Variants in ADAMTSL1 observed in about 807,000 individuals in gnomAD.
The protein encoded by ADAMTSL1 is ADAMTS like 1, also known as ADAMTS-like protein 1.
In ADAMTSL1, 126 loss-of-function variants were observed where a neutral mutation model predicts 201.8. The observed-to-expected ratio is 0.62, with a 90% CI of 0.54 to 0.72. The LOEUF (loss-of-function observed/expected upper bound fraction) is 0.72, where lower values mean the gene tolerates loss of function less well. Ranked by LOEUF, ADAMTSL1 falls within the 30% of genes least tolerant of loss-of-function variation. ADAMTSL1 has a pLI of 0.00. For synonymous variants in ADAMTSL1, 1,121 were observed against 903.4 expected (o/e 1.24, Z -4.32); for missense variants, 2,679 against 2,277.8 (o/e 1.18, Z -3.59).
intron 1 of ADAMTSL1, among the ~76,000 whole-genome samples, chr9:18,492,213 A>C (rs776260239): frequency 2.6e-5 from 4 of 152,200 alleles, no homozygotes; most frequent in Non-Finnish European, 5.9e-5. Context: ...ATTATAATAC[A>C]AACATCACAG....
rs146631565 is a variant in ADAMTSL1 at position 18,612,373 on chromosome 9, T to G, written c.475-9870T>G. Reference sequence around the variant, plus strand: ...TTTTAGCTTGAGACAAAGGGGAAAATTCTTTGAAATCGCAATATATCCCTG... The same window carrying G: ...TTTTAGCTTGAGACAAAGGGGAAAAGTCTTTGAAATCGCAATATATCCCTG... On this transcript the variant is annotated intron_variant, in intron 4 of 28. Coordinates refer to ENST00000380548, the MANE Select transcript of ADAMTSL1 (RefSeq NM_001040272.6). Among the ~76,000 whole-genome samples the G allele has an allele frequency of 1.4e-3, 215 of 152,196 alleles. 1 individual carries two copies. Among genetic ancestry groups the G allele is most frequent in the African/African-American group, 4.8e-3 (199 of 41,532 alleles).
At chr9:18,399,280 C>CATATATATATAT (rs561622408) in intron 2 of ADAMTSL1, among the ~76,000 whole-genome samples, 10 of 30,998 alleles carry the variant, frequency 3.2e-4, no homozygotes, top group East Asian at 1.9e-3. Flanking sequence ...GTCTGCTTTA[C>CATATATATATAT]ATATATATAT....
intron 16 of ADAMTSL1, among the ~76,000 whole-genome samples, chr9:18,764,043 C>T (rs1337165933): frequency 6.6e-6 from 1 of 152,088 alleles, no homozygotes; most frequent in Non-Finnish European, 1.5e-5. Context: ...ATGCTTTTGA[C>T]ATTTTGACAG....
intron 13 of ADAMTSL1, among the ~76,000 whole-genome samples, chr9:18,704,069 G>C (rs1483559067): frequency 1.3e-5 from 2 of 152,068 alleles, no homozygotes; most frequent in Non-Finnish European, 2.9e-5. Flanking sequence ...CAATGCGTTT[G>C]TATCTCTACC....
chr9:18,232,554 A>G (rs137995537), intron 2 of ADAMTSL1, among the ~76,000 whole-genome samples: 2 of 152,178 alleles, frequency 1.3e-5, no homozygotes, highest in African/African-American at 2.4e-5. Flanking sequence ...TGACTATTGC[A>G]TAGTTAAAAC....
chr9:18,434,985 C>T (rs992851067), intron 2 of ADAMTSL1, among the ~76,000 whole-genome samples: 2 of 152,218 alleles, frequency 1.3e-5, no homozygotes, highest in Admixed American at 6.5e-5. Context: ...GTATCCCTAA[C>T]ACCTGGTGCA....
At chr9:18,158,762 G>A (rs140775698) in intron 1 of ADAMTSL1, among the ~76,000 whole-genome samples, 22 of 152,066 alleles carry the variant, frequency 1.4e-4, no homozygotes, top group African/African-American at 5.3e-4. Flanking sequence ...TCCTTTGTGT[G>A]CATGTCCTTC....
At chr9:18,881,571 C>G (rs182628659) in intron 23 of ADAMTSL1, among the ~76,000 whole-genome samples, 20 of 152,222 alleles carry the variant, frequency 1.3e-4, no homozygotes, top group Admixed American at 2.0e-4. Context: ...ATAGTAACAT[C>G]AAAGATCACT....
intron 13 of ADAMTSL1, among the ~76,000 whole-genome samples, chr9:18,698,514 G>A (rs947729378): frequency 1.3e-4 from 19 of 152,000 alleles, no homozygotes; most frequent in Non-Finnish European, 2.2e-4. Context: ...TTGAACTCCC[G>A]ACCTCAAGTG....
intron 11 of ADAMTSL1, 98 bp from the exon 12 acceptor site, chr9:18,681,714 G>GGGGGA (rs1564146020): frequency 2.7e-5 from 24 of 884,508 alleles, no homozygotes; most frequent in African/African-American, 9.9e-5. Flanking sequence ...GGGGGGCGGG[G>GGGGGA]AAAAAGAAAA....
intron 2 of ADAMTSL1, among the ~76,000 whole-genome samples, chr9:18,229,427 C>T (rs1391589869): frequency 2.0e-5 from 3 of 152,060 alleles, no homozygotes; most frequent in Non-Finnish European, 4.4e-5. Flanking sequence ...GTGCCTGCCC[C>T]ACCCTTCCAC....
At chr9:18,893,477 G>T (rs886226452) in intron 26 of ADAMTSL1, among the ~76,000 whole-genome samples, 2 of 152,068 alleles carry the variant, frequency 1.3e-5, no homozygotes, top group African/African-American at 4.8e-5. Flanking sequence ...CAACCCTCCA[G>T]GCCAGTACGT....
intron 1 of ADAMTSL1, among the ~76,000 whole-genome samples, chr9:18,028,767 C>T (rs1820807023): frequency 6.6e-6 from 1 of 152,070 alleles, no homozygotes; most frequent in Admixed American, 6.6e-5. Flanking sequence ...TCCATATGAA[C>T]TTGAAAGTAG....
Position 18,351,856 on chromosome 9 carries a change from C to T in ADAMTSL1, c.208-152973C>T, listed in dbSNP as rs57879123. On this transcript the variant is annotated intron_variant, in intron 2 of 29. Coordinates refer to the ADAMTSL1 transcript ENST00000680146. ...TTTATCACCACAAAATTAGAGAGAC[C>T]TTTTAAAGAAATACATTTCTGTAAA... 6.2e-3 allele frequency among the ~76,000 whole-genome samples: 943 copies of T among 152,228 alleles called. 13 individuals carry two copies. Among genetic ancestry groups the T allele is most frequent in the African/African-American group, 0.022 (895 of 41,536 alleles).
At chr9:18,850,184 T>G (rs995116923) in intron 23 of ADAMTSL1, among the ~76,000 whole-genome samples, 3 of 152,222 alleles carry the variant, frequency 2.0e-5, no homozygotes, top group Non-Finnish European at 4.4e-5. Context: ...CACTCACACT[T>G]GCTCCTGCCC....
rs192711327 is a variant in ADAMTSL1 at position 18,216,694 on chromosome 9, C to T, written c.207+52713C>T. On this transcript the variant is annotated intron_variant, in intron 2 of 29. Transcript: ENST00000680146. ...TTTTCTTTCAAGATGACAAACATTT[C>T]ATAATTCTCTTCCATTTTCCTTTAG... Among the ~76,000 whole-genome samples, 18 of 140,202 alleles carry T rather than the reference C, an allele frequency of 1.3e-4. No individual in the cohort carries two copies. In the East Asian group the frequency reaches 3.6e-3, roughly 28 times the overall value. The allele number at this position is 140,202 out of a possible 152,430, so 92.0% of individuals were successfully genotyped here.
intron 5 of ADAMTSL1, among the ~76,000 whole-genome samples, chr9:18,626,876 T>TG (rs1340136647): frequency 1.6e-3 from 142 of 89,592 alleles, no homozygotes; most frequent in African/African-American, 7.9e-3. Flanking sequence ...TCTGTCTTTC[T>TG]TCCTTCCTTC....
intron 14 of ADAMTSL1, among the ~76,000 whole-genome samples, chr9:18,715,953 C>A (rs931103945): frequency 6.6e-6 from 1 of 151,410 alleles, no homozygotes; most frequent in Admixed American, 6.6e-5. Context: ...ACTATCTGAT[C>A]TTTGAAAAAC....
At chr9:18,755,030 G>A (rs1588049401) in intron 16 of ADAMTSL1, among the ~76,000 whole-genome samples, 1 of 152,250 alleles carries the variant, frequency 6.6e-6, no homozygotes, top group East Asian at 1.9e-4. Context: ...TTTAGGGTTG[G>A]CTATCAACTC....
Sources: gnomAD v4.1 joint callset for allele counts (sites outside exome capture counted in the v4.1 genomes callset) on GRCh38, gnomAD v4.1.1 for gene constraint, MANE v1.5 for transcripts, NCBI Gene and HGNC (gene_info 2026-07-23, HGNC 2026-07-21) for gene names.